Variants in DCLK1 observed in about 807,000 individuals in gnomAD.
DCLK1 encodes doublecortin like kinase 1.
A neutral mutation model predicts 86.2 loss-of-function variants in DCLK1; 16 were observed. The observed-to-expected ratio is 0.19, with a 90% CI of 0.13 to 0.28. The LOEUF (loss-of-function observed/expected upper bound fraction) is 0.28, where lower values mean the gene tolerates loss of function less well. Ranked by LOEUF, DCLK1 falls within the 10% of genes least tolerant of loss-of-function variation. The pLI, the probability that DCLK1 is intolerant of heterozygous loss-of-function variation, is 1.00. For synonymous variants in DCLK1, 369 were observed against 370.5 expected (o/e 1.00, Z 0.05); for missense variants, 590 against 940.2 (o/e 0.63, Z 4.87).
At chr13:35,837,604 C>G (rs1409226469) in intron 7 of DCLK1, among the ~76,000 whole-genome samples, 1 of 152,148 alleles carries the variant, frequency 6.6e-6, no homozygotes, top group South Asian at 2.1e-4. Context: ...AGGAACCCTC[C>G]TTGGCTGTTG....
At chr13:35,862,020 G>A (rs528536985) in intron 5 of DCLK1, among the ~76,000 whole-genome samples, 13 of 123,134 alleles carry the variant, frequency 1.1e-4, no homozygotes, top group South Asian at 2.9e-4. Context: ...GTGACAGAGC[G>A]AGACTCCGTC....
At chr13:35,969,717 G>A (rs903911885) in intron 3 of DCLK1, among the ~76,000 whole-genome samples, 1 of 152,110 alleles carries the variant, frequency 6.6e-6, no homozygotes, top group South Asian at 2.1e-4. Flanking sequence ...TTGTCAAAGG[G>A]GCAAAATCAG....
chr13:36,120,346 A>G (rs9593802), intron 2 of DCLK1, among the ~76,000 whole-genome samples: 40,594 of 152,152 alleles, frequency 0.27, 5,512 homozygotes, highest in African/African-American at 0.3. Context: ...TTATAACACC[A>G]TATTTTTATT....
chr13:35,894,072 A>G (rs1873801949), intron 4 of DCLK1, among the ~76,000 whole-genome samples: 1 of 152,182 alleles, frequency 6.6e-6, no homozygotes, highest in Non-Finnish European at 1.5e-5. Context: ...TGAATTTAAT[A>G]TTTAGACTTG....
At chr13:35,974,403 C>A (rs1879224297) in intron 3 of DCLK1, among the ~76,000 whole-genome samples, 1 of 152,258 alleles carries the variant, frequency 6.6e-6, no homozygotes, top group South Asian at 2.1e-4. Context: ...GGAGGGTGTC[C>A]CACCTGCAAG....
intron 16 of DCLK1, 105 bp downstream of exon 16, chr13:35,793,261 A>G: frequency 2.5e-6 from 2 of 789,866 alleles, no homozygotes; most frequent in South Asian, 2.0e-5. Context: ...TGTCTAAAGA[A>G]ATGACCCATT....
intron 10 of DCLK1, among the ~76,000 whole-genome samples, chr13:35,825,531 A>G (rs9574693): frequency 1 from 151,614 of 152,254 alleles, 75,490 homozygotes; most frequent in East Asian, 1. Flanking sequence ...CAGAGTGCCT[A>G]AGCCTTTGCC....
chr13:36,066,780 T>C (rs922563480), intron 3 of DCLK1, among the ~76,000 whole-genome samples: 2 of 151,898 alleles, frequency 1.3e-5, no homozygotes, highest in Non-Finnish European at 2.9e-5. Flanking sequence ...AAGAAGACAT[T>C]TATGCAGCCA....
intron 3 of DCLK1, among the ~76,000 whole-genome samples, chr13:36,073,505 C>CA (rs546397014): frequency 0.012 from 1,793 of 150,478 alleles, 17 homozygotes; most frequent in Non-Finnish European, 0.02. Flanking sequence ...AAACAAAAAA[C>CA]AAAAAAAAAC....
intron 15 of DCLK1, chr13:35,805,382 T>A (rs2087003534): frequency 3.7e-6 from 1 of 269,168 alleles, no homozygotes; most frequent in South Asian, 1.2e-4. Context: ...CTACCACCTC[T>A]GGTTTCCAGG....
chr13:35,850,832 G>T, intron 6 of DCLK1: 1 of 1,508,884 alleles, frequency 6.6e-7, no homozygotes, highest in Non-Finnish European at 8.9e-7. Flanking sequence ...GGTGCCCTGT[G>T]GCTCTCGTGA....
chr13:35,817,482 A>G (rs2087296359), intron 11 of DCLK1, among the ~76,000 whole-genome samples: 1 of 152,216 alleles, frequency 6.6e-6, no homozygotes, highest in African/African-American at 2.4e-5. Flanking sequence ...CAAAGAAATT[A>G]GATTATTAAA....
At chr13:36,131,445 CT>C, upstream of DCLK1, 5 of 163,236 alleles carry the variant, frequency 3.1e-5, no homozygotes, top group East Asian at 1.8e-4. Flanking sequence ...TCCCGTCTCC[CT>C]CCTCCTCCTC....
At chr13:35,991,489 C>G (rs1275673655) in intron 3 of DCLK1, among the ~76,000 whole-genome samples, 2 of 151,930 alleles carry the variant, frequency 1.3e-5, no homozygotes, top group African/African-American at 2.4e-5. Flanking sequence ...AATGAGACCT[C>G]ACCTTTATGA....
intron 3 of DCLK1, among the ~76,000 whole-genome samples, chr13:35,951,013 A>T (rs995507921): frequency 4.6e-5 from 7 of 151,884 alleles, no homozygotes; most frequent in African/African-American, 1.7e-4. Context: ...TTTCTGTTTA[A>T]TCCATCCTGT....
At chr13:35,997,458 C>T (rs983630575) in intron 3 of DCLK1, among the ~76,000 whole-genome samples, 5 of 152,184 alleles carry the variant, frequency 3.3e-5, no homozygotes, top group South Asian at 2.1e-4. Flanking sequence ...GAATGGAACA[C>T]GCATGGCTCT....
intron 4 of DCLK1, among the ~76,000 whole-genome samples, chr13:35,885,919 T>G (rs1873200959): frequency 6.6e-6 from 1 of 152,062 alleles, no homozygotes; most frequent in Non-Finnish European, 1.5e-5. Context: ...AAAATAATAG[T>G]ACTGCCTAGA....
chr13:35,872,302 T>A (rs1872327095), intron 4 of DCLK1, among the ~76,000 whole-genome samples: 1 of 152,214 alleles, frequency 6.6e-6, no homozygotes. Context: ...CTTCTAGAAT[T>A]TTTGTCTATG....
chr13:35,785,731 T>C (rs1452126748), intron 16 of DCLK1, among the ~76,000 whole-genome samples: 25 of 152,138 alleles, frequency 1.6e-4, no homozygotes. Context: ...AAAACAGCCA[T>C]GAGCGCTTTA....
Sources: allele counts gnomAD v4.1 joint callset (sites outside exome capture counted in the v4.1 genomes callset), GRCh38; gene constraint gnomAD v4.1.1; transcripts MANE v1.5; gene names NCBI Gene and HGNC (gene_info 2026-07-23, HGNC 2026-07-21).